Variants in ITGA8 observed in about 807,000 individuals in gnomAD.
ITGA8 encodes integrin subunit alpha 8, also known as integrin alpha-8.
ITGA8 carries 91 observed loss-of-function variants against 142.3 expected under a neutral mutation model. The ratio of observed to expected loss-of-function variants is 0.64; its 90% CI spans 0.54 to 0.76. ITGA8 has a LOEUF of 0.76. Ranked by LOEUF, ITGA8 falls within the 30% of genes least tolerant of loss-of-function variation. ITGA8 has a pLI of 0.00. For synonymous variants in ITGA8, 505 were observed against 485.2 expected (o/e 1.04, Z -0.54); for missense variants, 1,406 against 1,327.7 (o/e 1.06, Z -0.92).
intron 3 of ITGA8, among the ~76,000 whole-genome samples, chr10:15,686,471 A>G (rs1202730545): frequency 1.3e-5 from 2 of 152,246 alleles, no homozygotes; most frequent in African/African-American, 4.8e-5. Flanking sequence ...ATTTCATGCC[A>G]TGAAAATTCT....
chr10:15,646,894 C>T lies in ITGA8; in HGVS notation c.1159G>A (p.Gly387Ser), dbSNP rs142735096. The part of the protein sequence containing the change: ...LTGTETFGRF[G>S]SAMAHLGDLN... The stretch of plus-strand genomic sequence containing the variant: ...TCTCCTAAGTGTGCCATAGCACTAC[C>T]GAATCTCCCAAACGTCTCGGTGCCA... The change falls in exon 12 of 30, where the codon GGT becomes AGT. Residue 387 changes from glycine (G) to serine (S), a missense_variant. Transcript: ENST00000378076. 6.1e-5 allele frequency: 99 copies of T among 1,613,936 alleles called. 1 individual carries two copies. The South Asian group carries it at 9.2e-4, about 15-fold the overall frequency.
chr10:15,644,482 ATATATATATAGAATT>A (rs1564389036), intron 12 of ITGA8, among the ~76,000 whole-genome samples: 1 of 9,042 alleles, frequency 1.1e-4, no homozygotes, highest in Admixed American at 1.5e-3. Context: ...ATATATATAT[ATATATATATAGAATT>A]TTTTTTTTTT....
intron 15 of ITGA8, among the ~76,000 whole-genome samples, chr10:15,612,273 C>T (rs753433059): frequency 6.6e-6 from 1 of 152,146 alleles, no homozygotes; most frequent in Non-Finnish European, 1.5e-5. Flanking sequence ...CCACCCTCCA[C>T]CCTCAAAAGC....
chr10:15,714,869 A>AC (rs1835422507), intron 2 of ITGA8, among the ~76,000 whole-genome samples: 1 of 152,138 alleles, frequency 6.6e-6, no homozygotes, highest in African/African-American at 2.4e-5. Flanking sequence ...AATTGTAGAC[A>AC]CCCCAGGGAC....
intron 27 of ITGA8, among the ~76,000 whole-genome samples, chr10:15,532,780 C>A (rs1393004856): frequency 1.3e-5 from 2 of 152,024 alleles, no homozygotes; most frequent in Non-Finnish European, 2.9e-5. Flanking sequence ...TAAACAGAGC[C>A]ATTATTACAA....
intron 27 of ITGA8, among the ~76,000 whole-genome samples, chr10:15,532,698 G>A (rs1358462832): frequency 7.3e-5 from 11 of 151,226 alleles, no homozygotes; most frequent in African/African-American, 2.7e-4. Flanking sequence ...CCCAGTGCTG[G>A]GTCCTAACTG....
At chr10:15,598,344 T>C (rs1833042905) in intron 20 of ITGA8, among the ~76,000 whole-genome samples, 1 of 152,192 alleles carries the variant, frequency 6.6e-6, no homozygotes, top group Non-Finnish European at 1.5e-5. Flanking sequence ...TTATTTTTTA[T>C]TTGTTTTTTT....
Position 15,522,078 on chromosome 10 carries a change from T to C in ITGA8, c.2983-2666A>G, listed in dbSNP as rs373969228. ...CAATAATTTATTATCTATTTCAAAA[T>C]AGCCAGAAGAGATTTGAAATGTTCC... On this transcript the variant is annotated intron_variant, in intron 28 of 29. Coordinates refer to ENST00000378076, the MANE Select transcript of ITGA8 (RefSeq NM_003638.3). 1.7e-3 allele frequency among the ~76,000 whole-genome samples: 252 copies of C among 152,286 alleles called. 3 individuals are homozygous for C. Among genetic ancestry groups the C allele is most frequent in the African/African-American group, 5.9e-3 (246 of 41,554 alleles).
At chr10:15,526,627 A>T (rs1833179858) in intron 28 of ITGA8, among the ~76,000 whole-genome samples, 1 of 152,192 alleles carries the variant, frequency 6.6e-6, no homozygotes, top group South Asian at 2.1e-4. Flanking sequence ...GGAGTACTTA[A>T]ATTTAGGGAG....
Position 15,517,076 on chromosome 10 carries a change from T to C in ITGA8, c.*82A>G. On this transcript the variant is annotated 3_prime_UTR_variant, in exon 30 of 30. Coordinates refer to ENST00000378076, the MANE Select transcript of ITGA8 (RefSeq NM_003638.3). ...GGGTCACTGTCAGGTATCAGAAAGC[T>C]TTGATTTTTAACCCTCATGTTCTTT... 1 of 1,018,596 alleles carries C rather than the reference T, an allele frequency of 9.8e-7. No individual in the cohort carries two copies. Among genetic ancestry groups the C allele is most frequent in the African/African-American group, 1.6e-5 (1 of 61,022 alleles). The allele number at this position is 1,018,596 out of a possible 1,614,324, so 63.1% of individuals were successfully genotyped here. A position where few individuals can be genotyped will look rare whatever the true frequency, so the allele number is the denominator to read the frequency against.
At chr10:15,633,000 A>G (rs1375049037) in intron 13 of ITGA8, among the ~76,000 whole-genome samples, 2 of 152,042 alleles carry the variant, frequency 1.3e-5, no homozygotes, top group African/African-American at 4.8e-5. Context: ...GGGATACTTT[A>G]ATGACTTTTG....
At chr10:15,624,086 G>C (rs928667832) in intron 13 of ITGA8, among the ~76,000 whole-genome samples, 2 of 152,090 alleles carry the variant, frequency 1.3e-5, no homozygotes, top group African/African-American at 4.8e-5. Context: ...CCCTGGCTTA[G>C]GGAACCCTGA....
chr10:15,527,491 A>G (rs1833197262), intron 28 of ITGA8, among the ~76,000 whole-genome samples: 1 of 152,244 alleles, frequency 6.6e-6, no homozygotes, highest in South Asian at 2.1e-4. Flanking sequence ...TGTTCAAATA[A>G]TTGAATTTCA....
intron 12 of ITGA8, among the ~76,000 whole-genome samples, chr10:15,644,910 A>G (rs1457853087): frequency 6.6e-6 from 1 of 151,490 alleles, no homozygotes; most frequent in Non-Finnish European, 1.5e-5. Flanking sequence ...TGGCTAACAC[A>G]GTAAAACCCC....
intron 2 of ITGA8, among the ~76,000 whole-genome samples, chr10:15,697,648 GC>G (rs1445851039): frequency 6.6e-6 from 1 of 152,202 alleles, no homozygotes; most frequent in Non-Finnish European, 1.5e-5. Context: ...TAAATAATGG[GC>G]TTGGGCTTGG....
At chr10:15,625,847 G>A (rs2131628487) in intron 13 of ITGA8, among the ~76,000 whole-genome samples, 1 of 152,302 alleles carries the variant, frequency 6.6e-6, no homozygotes, top group South Asian at 2.1e-4. Context: ...ATGAAAAGCA[G>A]CCCCCAAATC....
intron 25 of ITGA8, among the ~76,000 whole-genome samples, chr10:15,563,294 A>T (rs1377896512): frequency 1.3e-5 from 2 of 152,212 alleles, no homozygotes; most frequent in East Asian, 3.8e-4. Context: ...CCAGTGATGG[A>T]GGATCTGATA....
intron 8 of ITGA8, among the ~76,000 whole-genome samples, chr10:15,667,175 G>A (rs1042203884): frequency 5.3e-5 from 8 of 152,096 alleles, no homozygotes; most frequent in Non-Finnish European, 7.4e-5. Flanking sequence ...GTAAGCTATT[G>A]ATTATTGCCT....
Position 15,644,859 on chromosome 10 carries a change from C to T in ITGA8, c.1208-638G>A, listed in dbSNP as rs533665679. 5.7e-4 allele frequency among the ~76,000 whole-genome samples: 86 copies of T among 151,518 alleles called. 1 individual carries two copies. The South Asian group carries it at 9.4e-3, about 17-fold the overall frequency. ...CTGTAATCCCAGCACTTTGGGAGGC[C>T]GAGGCGGGCGGATCATGAGGTCAGG... On this transcript the variant is annotated intron_variant, in intron 12 of 29. Coordinates refer to ENST00000378076, the MANE Select transcript of ITGA8 (RefSeq NM_003638.3).
Sources: allele counts gnomAD v4.1 joint callset (sites outside exome capture counted in the v4.1 genomes callset), GRCh38; gene constraint gnomAD v4.1.1; transcripts MANE v1.5; gene names NCBI Gene and HGNC (gene_info 2026-07-23, HGNC 2026-07-21).